MROH7: variants seen among roughly 807,000 people sequenced by gnomAD.
MROH7 encodes the protein maestro heat like repeat family member 7.
MROH7 carries 113 observed loss-of-function variants against 129.2 expected under a neutral mutation model. The ratio of observed to expected loss-of-function variants is 0.87; its 90% CI spans 0.75 to 1.02. The LOEUF is 1.02. MROH7 is among the 50% of genes least tolerant of loss of function. The pLI is 0.00. For synonymous variants in MROH7, 655 were observed against 667.9 expected, an observed-to-expected ratio of 0.98 and a Z score of 0.30; for missense variants, 1,601 against 1,671.3, an observed-to-expected ratio of 0.96 and a Z score of 0.73.
chr1:54,686,889 GTTC>G (rs1346697544), intron 15 of MROH7, among the ~76,000 whole-genome samples: 6 of 152,046 alleles, frequency 3.9e-5, no homozygotes, highest in Non-Finnish European at 8.8e-5. Flanking sequence ...AGACAACCAA[GTTC>G]TTCATGCCCT....
intron 4 of MROH7, among the ~76,000 whole-genome samples, chr1:54,668,225 G>A (rs1297785880): frequency 1.3e-5 from 2 of 152,154 alleles, no homozygotes; most frequent in Non-Finnish European, 2.9e-5. Context: ...ACATTATTCT[G>A]CTGTTCAAAG....
At chr1:54,709,127 G>A (rs753359934) in intron 23 of MROH7, 51 bp downstream of exon 23, 3 of 1,555,942 alleles carry the variant, frequency 1.9e-6, no homozygotes, top group East Asian at 4.5e-5. Context: ...GAGACAGTGA[G>A]TAGAATCACA....
intron 3 of MROH7, among the ~76,000 whole-genome samples, chr1:54,663,563 G>A (rs1438387433): frequency 2.0e-5 from 3 of 151,928 alleles, no homozygotes; most frequent in African/African-American, 4.8e-5. Context: ...TAGTAGAGGT[G>A]GGGTTTCACC....
intron 21 of MROH7, among the ~76,000 whole-genome samples, chr1:54,706,140 C>G (rs925300782): frequency 6.6e-6 from 1 of 152,120 alleles, no homozygotes; most frequent in Admixed American, 6.6e-5. Flanking sequence ...ACCTATGTCC[C>G]TCACATGCCA....
At chr1:54,674,391 C>T (rs548126548) in intron 10 of MROH7, among the ~76,000 whole-genome samples, 2 of 152,254 alleles carry the variant, frequency 1.3e-5, no homozygotes, top group East Asian at 3.9e-4. Flanking sequence ...CTCATCCTTC[C>T]AAGCTTAGTT....
Position 54,675,667 on chromosome 1 carries a change from G to A in MROH7, c.1936+1516G>A, listed in dbSNP as rs183788638. Reference sequence around the variant, plus strand: ...GGCTAGAGTGCGGTGGCACGATCTCGGCTCACTGCAGCCTCAATCTTTCAG... The same window carrying A: ...GGCTAGAGTGCGGTGGCACGATCTCAGCTCACTGCAGCCTCAATCTTTCAG... On this transcript the variant is annotated intron_variant, in intron 10 of 23. Coordinates refer to ENST00000421030, the MANE Select transcript of MROH7 (RefSeq NM_001039464.4). Among the ~76,000 whole-genome samples the A allele has an allele frequency of 2.9e-3, 444 of 151,386 alleles. 4 individuals carry two copies. Among genetic ancestry groups the A allele is most frequent in the African/African-American group, 0.01 (417 of 41,220 alleles).
intron 14 of MROH7, among the ~76,000 whole-genome samples, chr1:54,685,200 A>C (rs1645128840): frequency 6.6e-6 from 1 of 152,150 alleles, no homozygotes; most frequent in South Asian, 2.1e-4. Flanking sequence ...TATTTTTAGT[A>C]GAGACGGGGT....
At chr1:54,670,083 A>G (rs935302477) in intron 5 of MROH7, among the ~76,000 whole-genome samples, 1 of 147,974 alleles carries the variant, frequency 6.8e-6, no homozygotes, top group East Asian at 2.0e-4. Context: ...AGAAAAAAAA[A>G]CACAAAAAAA....
chr1:54,700,141 C>T (rs1246022694), intron 17 of MROH7, 180 bp from the exon 18 acceptor site: 13 of 801,856 alleles, frequency 1.6e-5, no homozygotes, highest in Non-Finnish European at 2.6e-5. Context: ...ACACACTCAG[C>T]TTTGCCACAT....
chr1:54,670,944 TC>T lies in MROH7; in HGVS notation c.1599+18del. 6.3e-7 allele frequency: 1 copy of T among 1,586,326 alleles called. No homozygotes were observed. Among genetic ancestry groups the T allele is most frequent in the Admixed American group, 1.8e-5 (1 of 55,490 alleles). On this transcript the variant is annotated intron_variant, in intron 7 of 23. Coordinates refer to ENST00000421030, the MANE Select transcript of MROH7 (RefSeq NM_001039464.4). Reference sequence around the variant, plus strand: ...AGACCATCCAGGTGAGGCGGGACCTTCCCAGCAGGGCCTCAGGGCTGGCCCA... The same window carrying T: ...AGACCATCCAGGTGAGGCGGGACCTTCCAGCAGGGCCTCAGGGCTGGCCCA...
intron 4 of MROH7, among the ~76,000 whole-genome samples, chr1:54,666,188 G>A (rs1321550526): frequency 6.6e-6 from 1 of 152,116 alleles, no homozygotes; most frequent in Non-Finnish European, 1.5e-5. Flanking sequence ...ATGTCATAGG[G>A]GCCAAGGGAA....
chr1:54,671,620 C>T (rs947053986), intron 7 of MROH7, among the ~76,000 whole-genome samples: 2 of 152,140 alleles, frequency 1.3e-5, no homozygotes, highest in African/African-American at 4.8e-5. Flanking sequence ...CCTCTCCAGG[C>T]ATTCCTGGGA....
intron 17 of MROH7, chr1:54,698,832 C>T (rs1645364692): frequency 6.7e-6 from 1 of 149,442 alleles, no homozygotes; most frequent in East Asian, 2.2e-4. Context: ...TCATTCTTGT[C>T]TCCCAGGCTG....
intron 17 of MROH7, chr1:54,698,163 A>C (rs41306623): frequency 0.18 from 30,043 of 162,654 alleles, 3,146 homozygotes; most frequent in South Asian, 0.28. Context: ...CTCCCAGTGG[A>C]AGGTGAACTC....
intron 1 of MROH7, chr1:54,651,243 T>G: frequency 6.6e-6 from 1 of 152,330 alleles, no homozygotes; most frequent in East Asian, 1.9e-4. Flanking sequence ...ACATTAGAAA[T>G]TGGCAGAGAA....
At chr1:54,660,839 A>G (rs550602703) in intron 3 of MROH7, among the ~76,000 whole-genome samples, 29 of 152,248 alleles carry the variant, frequency 1.9e-4, no homozygotes, top group African/African-American at 5.3e-4. Context: ...AAAAAGAAAA[A>G]AAAGAGAAAA....
chr1:54,644,248 G>A (rs1644429254), intron 1 of MROH7, among the ~76,000 whole-genome samples: 1 of 150,756 alleles, frequency 6.6e-6, no homozygotes, highest in South Asian at 2.1e-4. Context: ...GGGGTGGGGA[G>A]GGGGGTCTAT....
At chr1:54,645,651 C>CTTT (rs780480424) in intron 1 of MROH7, among the ~76,000 whole-genome samples, 7,404 of 109,230 alleles carry the variant, frequency 0.068, 478 homozygotes, top group Admixed American at 0.13. Flanking sequence ...TTCTTTCTTT[C>CTTT]TTTCTTTTTT....
chr1:54,699,093 C>CTGCCTTTTTTTTTTTTT (rs1406420741), intron 17 of MROH7: 19 of 107,978 alleles, frequency 1.8e-4, no homozygotes, highest in Admixed American at 5.3e-4. Flanking sequence ...CTTGCCTGGC[C>CTGCCTTTTTTTTTTTTT]TTTTCTTTCT....
Sources: gnomAD v4.1 joint callset for allele counts (sites outside exome capture counted in the v4.1 genomes callset) on GRCh38, gnomAD v4.1.1 for gene constraint, MANE v1.5 for transcripts, NCBI Gene and HGNC (gene_info 2026-07-23, HGNC 2026-07-21) for gene names.